PCDHGA5: variants seen among roughly 807,000 people sequenced by gnomAD.
The protein encoded by PCDHGA5 is protocadherin gamma subfamily A, 5, also known as protocadherin gamma-A5.
Under a neutral mutation model 56.7 loss-of-function variants are expected in PCDHGA5, and 36 were observed. That is an observed-to-expected ratio of 0.64 (90% CI 0.49 to 0.84). PCDHGA5 has a LOEUF of 0.84. Ranked by LOEUF, PCDHGA5 falls within the 40% of genes least tolerant of loss-of-function variation. The pLI is 0.00. For synonymous variants in PCDHGA5, 563 were observed against 520.2 expected (o/e 1.08, Z -1.12); for missense variants, 1,305 against 1,201.5 (o/e 1.09, Z -1.27).
intron 1 of PCDHGA5, chr5:141,390,229 C>T (rs781367582): frequency 6.2e-7 from 1 of 1,614,056 alleles, no homozygotes; most frequent in South Asian, 1.1e-5. Flanking sequence ...TGCGGTGATT[C>T]ATCTGGGGCC....
In PCDHGA5 at chr5:141,486,546, G is replaced by A. The variant is rs1156517969; in HGVS notation, c.2422-8261G>A. Reference sequence around the variant, plus strand: ...GATAATCCACCCTCTTTCTTTCAGAGGTCACATGAGGTGTTTGTTCCTGAG... The same window carrying A: ...GATAATCCACCCTCTTTCTTTCAGAAGTCACATGAGGTGTTTGTTCCTGAG... On this transcript the variant is annotated intron_variant, in intron 1 of 3. Coordinates refer to ENST00000518069, the MANE Select transcript of PCDHGA5 (RefSeq NM_018918.3). The surrounding 1 kb of genome is among the most constrained non-coding windows in gnomAD (Gnocchi z 5.0). 3 of 1,614,084 alleles carry A rather than the reference G, an allele frequency of 1.9e-6. No homozygotes were observed. The East Asian group carries it at 6.7e-5, about 36-fold the overall frequency.
intron 1 of PCDHGA5, among the ~76,000 whole-genome samples, chr5:141,461,004 T>C (rs2099006736): frequency 6.6e-6 from 1 of 151,664 alleles, no homozygotes; most frequent in Non-Finnish European, 1.5e-5. Context: ...TATGTGTATA[T>C]ATATATACCA....
intron 1 of PCDHGA5, chr5:141,370,272 A>G: frequency 1.3e-6 from 1 of 794,346 alleles, no homozygotes; most frequent in Non-Finnish European, 1.9e-6. Context: ...TGCAGCGGAG[A>G]CACCCATTAG....
At chr5:141,510,906 C>G in intron 3 of PCDHGA5, 41 bp from the exon 4 acceptor site, 1 of 1,613,582 alleles carries the variant, frequency 6.2e-7, no homozygotes, top group Non-Finnish European at 8.5e-7. Context: ...TGTTGAGGAC[C>G]CTAAGTTTAG....
intron 1 of PCDHGA5, among the ~76,000 whole-genome samples, chr5:141,445,007 G>T (rs771023003): frequency 1.3e-5 from 2 of 151,994 alleles, no homozygotes; most frequent in African/African-American, 4.8e-5. Flanking sequence ...ATTTAATTAG[G>T]TCTTTAATTT....
chr5:141,420,277 A>C, intron 1 of PCDHGA5: 1 of 1,518,166 alleles, frequency 6.6e-7, no homozygotes, highest in Non-Finnish European at 8.9e-7. Flanking sequence ...TTAAACAGGT[A>C]AGTATTTAAA....
At chr5:141,416,287 T>A (rs2096012467) in intron 1 of PCDHGA5, 1 of 152,276 alleles carries the variant, frequency 6.6e-6, no homozygotes, top group Admixed American at 6.5e-5. Flanking sequence ...ATTCTCTAAT[T>A]TCACACTGCT....
chr5:141,414,348 G>A (rs1390188717), intron 1 of PCDHGA5: 1 of 1,613,818 alleles, frequency 6.2e-7, no homozygotes, highest in South Asian at 1.1e-5. Flanking sequence ...GTTCCATTTT[G>A]GCGTATCTAC....
At chr5:141,502,880 T>TTTTTTTTTTG (rs2099816747) in intron 2 of PCDHGA5, among the ~76,000 whole-genome samples, 1 of 151,000 alleles carries the variant, frequency 6.6e-6, no homozygotes, top group African/African-American at 2.4e-5. Context: ...TTTTTTTTTT[T>TTTTTTTTTTG]GACAGGGAGT....
At position 141,374,696 on chromosome 5, in the gene PCDHGA5, G is replaced by A. The variant is rs747520978; in HGVS notation, c.2421+7945G>A. 5 of 1,609,314 alleles carry A rather than the reference G, an allele frequency of 3.1e-6. No homozygotes were observed. In the African/African-American group the frequency reaches 6.7e-5, roughly 21 times the overall value. ...GGAGGGCACACTGGACCGGGAAGGA[G>A]AAGCCGTTTACCGCCTGGTCCTTAC... On this transcript the variant is annotated intron_variant, in intron 1 of 3. Coordinates refer to ENST00000518069, the MANE Select transcript of PCDHGA5 (RefSeq NM_018918.3).
chr5:141,510,959 G>A lies in PCDHGA5; in HGVS notation c.2582G>A (p.Gly861Glu). 6.2e-7 allele frequency: 1 copy of A among 1,614,110 alleles called. No individual in the cohort carries two copies. Among genetic ancestry groups the A allele is most frequent in the Non-Finnish European group, 8.5e-7 (1 of 1,180,012 alleles). Residue 861 changes from glycine to glutamate, a missense_variant, in exon 4 of 4, where the codon GGG becomes GAG. Coordinates refer to ENST00000518069, the MANE Select transcript of PCDHGA5 (RefSeq NM_018918.3). ...TCTGTCTCTGCAGAAGCTGCTGATG[G>A]GAGCTCCACCCTGGGAGGGGGTGCC... ...ILASASEAADGSSTLGGGAGT... is the reference protein window; with the variant it reads ...ILASASEAADESSTLGGGAGT...
intron 1 of PCDHGA5, among the ~76,000 whole-genome samples, chr5:141,466,704 T>C (rs1175063183): frequency 6.6e-6 from 1 of 152,202 alleles, no homozygotes; most frequent in Admixed American, 6.5e-5. Context: ...AAATTTGATG[T>C]CTGTTCTTGT....
Position 141,364,369 on chromosome 5 carries a change from G to A in PCDHGA5, c.39G>A (p.Leu13=), listed in dbSNP as rs561217831. The A allele has an allele frequency of 3.3e-5, 52 of 1,567,648 alleles. 1 individual carries two copies. Among genetic ancestry groups the A allele is most frequent in the Non-Finnish European group, 3.6e-5 (42 of 1,158,852 alleles). Reference sequence around the variant, plus strand: ...CTAGGGGCTGGGGCTGCGGAGAGCTGCTGCTGCCCTTCATGCTCCTGGGGA... The same window carrying A: ...CTAGGGGCTGGGGCTGCGGAGAGCTACTGCTGCCCTTCATGCTCCTGGGGA... ...SPPRGWGCGE[L]LLPFMLLGTL... is the part of the protein sequence containing the mutation. Residue 13 remains leucine (L), a synonymous_variant, in exon 1 of 4, where the codon CTG becomes CTA. Coordinates refer to ENST00000518069, the MANE Select transcript of PCDHGA5 (RefSeq NM_018918.3).
intron 1 of PCDHGA5, chr5:141,375,663 A>G: frequency 6.2e-7 from 1 of 1,614,108 alleles, no homozygotes; most frequent in South Asian, 1.1e-5. Context: ...CAGTTGAGAG[A>G]CCTACAGCTG....
Position 141,423,884 on chromosome 5 carries a change from T to C in PCDHGA5, c.2421+57133T>C, listed in dbSNP as rs1253750785. On this transcript the variant is annotated intron_variant, in intron 1 of 3. Transcript: ENST00000518069. ...TGAAAGTCATTTTTCAATCTTGGCA[T>C]ATTTTCTTTTGATTTCAAAGGGGCC... The C allele has an allele frequency of 6.2e-6, 8 of 1,282,566 alleles. No individual in the cohort carries two copies. In the African/African-American group the frequency reaches 1.2e-4, roughly 20 times the overall value. 79.4% of individuals were successfully genotyped at this position (1,282,566 alleles called of 1,614,324 possible). A position where few individuals can be genotyped will look rare whatever the true frequency, so the allele number is the denominator to read the frequency against.
At chr5:141,383,112 G>C (rs1167934535) in intron 1 of PCDHGA5, 5 of 1,613,924 alleles carry the variant, frequency 3.1e-6, no homozygotes, top group Non-Finnish European at 4.2e-6. Context: ...CCAGAGGTAG[G>C]ACGCAGCTTT....
At chr5:141,458,662 C>T (rs948275548) in intron 1 of PCDHGA5, among the ~76,000 whole-genome samples, 3 of 152,064 alleles carry the variant, frequency 2.0e-5, no homozygotes, top group East Asian at 1.9e-4. Flanking sequence ...CTCCACCTCT[C>T]GGGTTCAAGC....
At chr5:141,467,273 G>T (rs879618653) in intron 1 of PCDHGA5, among the ~76,000 whole-genome samples, 1 of 151,828 alleles carries the variant, frequency 6.6e-6, no homozygotes, top group Admixed American at 6.6e-5. Context: ...GGCTGGTCTC[G>T]AACTCTTGAC....
At chr5:141,463,460 T>TTC (rs573961569) in intron 1 of PCDHGA5, among the ~76,000 whole-genome samples, 28 of 136,126 alleles carry the variant, frequency 2.1e-4, no homozygotes, top group Admixed American at 4.4e-4. Context: ...TTTTTTTTTT[T>TTC]TTTTTTGAGA....
Sources: allele counts gnomAD v4.1 joint callset (sites outside exome capture counted in the v4.1 genomes callset), GRCh38; gene constraint gnomAD v4.1.1; non-coding constraint Gnocchi (gnomAD v3.1); transcripts MANE v1.5; gene names NCBI Gene and HGNC (gene_info 2026-07-23, HGNC 2026-07-21).